DSTN: variants seen among roughly 807,000 people sequenced by gnomAD.
The protein encoded by DSTN is destrin.
DSTN carries 10 observed loss-of-function variants against 16.8 expected under a neutral mutation model. That is an observed-to-expected ratio of 0.60 (90% CI 0.37 to 1.01). The LOEUF (loss-of-function observed/expected upper bound fraction) is 1.01, where lower values mean the gene tolerates loss of function less well. Ranked by LOEUF, DSTN falls within the 50% of genes least tolerant of loss-of-function variation. DSTN has a pLI of 0.01. For missense variants in DSTN, 141 were observed against 196.7 expected (o/e 0.72, Z 1.69); for synonymous variants, 57 against 58.9 (o/e 0.97, Z 0.14).
chr20:17,597,285 G>A (rs1305540347), intron 1 of DSTN, among the ~76,000 whole-genome samples: 1 of 152,188 alleles, frequency 6.6e-6, no homozygotes. Flanking sequence ...CTTTATTAGA[G>A]TGAATGTTCA....
At chr20:17,605,891 T>C (rs984269529) in intron 3 of DSTN, among the ~76,000 whole-genome samples, 1 of 151,068 alleles carries the variant, frequency 6.6e-6, no homozygotes, top group Non-Finnish European at 1.5e-5. Flanking sequence ...TCACCTGAGG[T>C]CAGGAGTTCG....
At chr20:17,573,292 A>AG (rs1287140104) in intron 1 of DSTN, among the ~76,000 whole-genome samples, 1 of 151,754 alleles carries the variant, frequency 6.6e-6, no homozygotes, top group East Asian at 1.9e-4. Flanking sequence ...CAGCTCTGTG[A>AG]GAAAAAATTA....
chr20:17,586,055 C>T lies in DSTN; in HGVS notation c.4-14683C>T, dbSNP rs113515776. Reference sequence around the variant, plus strand: ...GCTTCCTTATGCTGAGAAAACAGGTCGCCCGAGAGAGGGTCTCCCTGGAGA... The same window carrying T: ...GCTTCCTTATGCTGAGAAAACAGGTTGCCCGAGAGAGGGTCTCCCTGGAGA... On this transcript the variant is annotated intron_variant, in intron 1 of 3. Transcript: ENST00000246069. Among the ~76,000 whole-genome samples the T allele has an allele frequency of 7.7e-3, 1,172 of 152,154 alleles. 13 individuals carry two copies. The highest frequency in any genetic ancestry group is 0.024 in the African/African-American group (1,003 of 41,540).
chr20:17,570,305 G>T, intron 1 of DSTN, 94 bp downstream of exon 1: 1 of 1,368,184 alleles, frequency 7.3e-7, no homozygotes. Flanking sequence ...GGTGAGCCGT[G>T]CCTCAGCCCG....
In DSTN at chr20:17,608,643, C is replaced by G. The variant is rs1412132079; in HGVS notation, c.*1497C>G. The G allele has an allele frequency of 1.3e-5, 2 of 150,390 alleles. No individual in the cohort carries two copies. Among genetic ancestry groups the G allele is most frequent in the African/African-American group, 4.9e-5 (2 of 40,898 alleles). 9.3% of individuals were successfully genotyped at this position (150,390 alleles called of 1,614,324 possible). On this transcript the variant is annotated 3_prime_UTR_variant, in exon 4 of 4. Coordinates refer to ENST00000246069, the MANE Select transcript of DSTN (RefSeq NM_006870.4). ...AAAAAAAAAAAAAAAAGTCACAACT[C>G]CCTCTGGTGAATAAGAAAGTTGGTG...
At chr20:17,575,084 A>G (rs1051710899) in intron 1 of DSTN, among the ~76,000 whole-genome samples, 2 of 151,664 alleles carry the variant, frequency 1.3e-5, no homozygotes, top group African/African-American at 2.4e-5. Context: ...GTCTCAAACA[A>G]TCTTCCCGCT....
In DSTN at chr20:17,570,101, G is replaced by A; in HGVS notation, c.-108G>A. ...CCCCGGGGTAAGCTCGCGCCGCCGC[G>A]TCAGCTCAGCGCTGGGTCTCTCGGT... On this transcript the variant is annotated 5_prime_UTR_variant, in exon 1 of 4. Transcript: ENST00000246069. 6.8e-7 allele frequency: 1 copy of A among 1,471,654 alleles called. No homozygotes were observed. The highest frequency in any genetic ancestry group is 9.0e-7 in the Non-Finnish European group (1 of 1,112,902). 91.2% of individuals were successfully genotyped at this position (1,471,654 alleles called of 1,614,324 possible).
rs557098674 is a variant in DSTN at position 17,604,603 on chromosome 20, C to T, written c.360C>T (p.Ser120=). The T allele has an allele frequency of 1.2e-5, 19 of 1,613,468 alleles. No homozygotes were observed. The East Asian group carries it at 4.0e-4, about 34-fold the overall frequency. The change falls in exon 3 of 4, where the codon TCC becomes TCT. Residue 120 remains serine, a synonymous_variant. Coordinates refer to ENST00000246069, the MANE Select transcript of DSTN (RefSeq NM_006870.4). Reference sequence around the variant, plus strand: ...AAAGTAAAATGATCTATGCAAGCTCCAAGGATGCAATTAAAAAGAAATTTC... The same window carrying T: ...AAAGTAAAATGATCTATGCAAGCTCTAAGGATGCAATTAAAAAGAAATTTC... ...PLKSKMIYAS[S]KDAIKKKFQG...
intron 2 of DSTN, among the ~76,000 whole-genome samples, chr20:17,602,853 A>G (rs2035601195): frequency 6.6e-6 from 1 of 151,994 alleles, no homozygotes; most frequent in Non-Finnish European, 1.5e-5. Context: ...ACATGGTGCA[A>G]CCCCATCTCT....
intron 2 of DSTN, 43 bp downstream of exon 2, chr20:17,601,088 G>A: frequency 1.3e-6 from 2 of 1,534,728 alleles, no homozygotes; most frequent in Non-Finnish European, 1.7e-6. Flanking sequence ...AACTCATTTT[G>A]TTAGCACTCG....
At chr20:17,596,351 A>G (rs570313902) in intron 1 of DSTN, among the ~76,000 whole-genome samples, 1 of 152,032 alleles carries the variant, frequency 6.6e-6, no homozygotes, top group Non-Finnish European at 1.5e-5. Context: ...TTCCAACGAG[A>G]TCCGTGCTCA....
At chr20:17,587,635 C>T (rs2035425782) in intron 1 of DSTN, among the ~76,000 whole-genome samples, 1 of 149,342 alleles carries the variant, frequency 6.7e-6, no homozygotes, top group South Asian at 2.1e-4. Context: ...AGGCATTATT[C>T]TTTTTTTTTT....
chr20:17,605,730 G>A (rs2035635393), intron 3 of DSTN, among the ~76,000 whole-genome samples: 1 of 152,200 alleles, frequency 6.6e-6, no homozygotes, highest in African/African-American at 2.4e-5. Context: ...AAGGTTCACA[G>A]TGGATTCCTT....
rs1192078338 is a variant in DSTN at position 17,607,308 on chromosome 20, A to G, written c.*162A>G. 9.7e-6 allele frequency: 5 copies of G among 517,852 alleles called. No individual in the cohort carries two copies. In the Admixed American group the frequency reaches 1.6e-4, roughly 16 times the overall value. 32.1% of individuals were successfully genotyped at this position (517,852 alleles called of 1,614,324 possible). A position where few individuals can be genotyped will look rare whatever the true frequency, so the allele number is the denominator to read the frequency against. ...AACATATGCAAACAGCCCTAAATAAATCTAAAGTCTAAAGTTTTATTGATG... is the reference window on the plus strand; with the variant it reads ...AACATATGCAAACAGCCCTAAATAAGTCTAAAGTCTAAAGTTTTATTGATG... On this transcript the variant is annotated 3_prime_UTR_variant, in exon 4 of 4. Transcript: ENST00000246069.
chr20:17,606,123 G>A (rs1021301577), intron 3 of DSTN, among the ~76,000 whole-genome samples: 10 of 150,164 alleles, frequency 6.7e-5, no homozygotes, highest in Admixed American at 4.0e-4. Flanking sequence ...AAAAAAAAAA[G>A]ATAGTGACCA....
intron 1 of DSTN, among the ~76,000 whole-genome samples, chr20:17,571,171 C>T (rs142408034): frequency 3.9e-5 from 6 of 152,348 alleles, no homozygotes; most frequent in African/African-American, 9.6e-5. Context: ...ACTGAACTAT[C>T]AGTTGGAACA....
At chr20:17,586,939 C>T (rs1286278921) in intron 1 of DSTN, among the ~76,000 whole-genome samples, 1 of 152,150 alleles carries the variant, frequency 6.6e-6, no homozygotes, top group Non-Finnish European at 1.5e-5. Context: ...CTGTGGTACA[C>T]TTTCTCCTCT....
chr20:17,590,768 G>T (rs1283379245), intron 1 of DSTN, among the ~76,000 whole-genome samples: 1 of 152,072 alleles, frequency 6.6e-6, no homozygotes, highest in Non-Finnish European at 1.5e-5. Flanking sequence ...TAAAGTTTAG[G>T]TTTCTTGACA....
At chr20:17,588,880 A>G (rs1447425098) in intron 1 of DSTN, among the ~76,000 whole-genome samples, 10 of 152,206 alleles carry the variant, frequency 6.6e-5, no homozygotes, top group Admixed American at 1.3e-4. Flanking sequence ...CATGACTTCA[A>G]GATGGTGGTG....
Sources: gnomAD v4.1 joint callset for allele counts (sites outside exome capture counted in the v4.1 genomes callset) on GRCh38, gnomAD v4.1.1 for gene constraint, MANE v1.5 for transcripts, NCBI Gene and HGNC (gene_info 2026-07-23, HGNC 2026-07-21) for gene names.